RBMS3: variants seen among roughly 807,000 people sequenced by gnomAD.
RBMS3 encodes RNA binding motif single stranded interacting protein 3.
Under a neutral mutation model 66.8 loss-of-function variants are expected in RBMS3, and 27 were observed. That is an observed-to-expected ratio of 0.40 (90% CI 0.30 to 0.56). RBMS3 has a LOEUF of 0.56. Among genes scored for constraint, RBMS3 ranks in the 20% least tolerant of loss-of-function variants. The probability of loss-of-function intolerance (pLI) is 0.40; values close to 1 mark genes in which losing one functional copy is unlikely to be tolerated. For missense variants in RBMS3, 513 were observed against 549.5 expected (o/e 0.93, Z 0.66); for synonymous variants, 188 against 183.0 (o/e 1.03, Z -0.22).
chr3:29,563,764 G>A (rs890312675), intron 3 of RBMS3, among the ~76,000 whole-genome samples: 1 of 152,020 alleles, frequency 6.6e-6, no homozygotes, highest in Non-Finnish European at 1.5e-5. Flanking sequence ...GTGACTCATG[G>A]CTATAATCCC....
intron 6 of RBMS3, among the ~76,000 whole-genome samples, chr3:29,808,000 A>G (rs926854638): frequency 9.9e-5 from 15 of 151,912 alleles, no homozygotes; most frequent in Non-Finnish European, 1.8e-4. Context: ...TTTGAGTCAA[A>G]GCTGTGGTAA....
At chr3:29,445,013 G>A (rs528826287) in intron 2 of RBMS3, among the ~76,000 whole-genome samples, 14 of 150,848 alleles carry the variant, frequency 9.3e-5, no homozygotes, top group South Asian at 4.2e-4. Context: ...ATCCTTAACC[G>A]AAAACTTTTG....
At chr3:29,590,675 A>G (rs1384999559) in intron 4 of RBMS3, among the ~76,000 whole-genome samples, 1 of 152,092 alleles carries the variant, frequency 6.6e-6, no homozygotes, top group South Asian at 2.1e-4. Context: ...ACTTCAGGAT[A>G]TAGAGAAAAA....
intron 3 of RBMS3, among the ~76,000 whole-genome samples, chr3:29,565,580 A>G (rs902947199): frequency 6.6e-6 from 1 of 152,176 alleles, no homozygotes; most frequent in Non-Finnish European, 1.5e-5. Context: ...CTAGGCAAGC[A>G]ACCAGGAGGT....
At chr3:29,603,955 T>C (rs896743598) in intron 4 of RBMS3, among the ~76,000 whole-genome samples, 1 of 151,940 alleles carries the variant, frequency 6.6e-6, no homozygotes, top group Non-Finnish European at 1.5e-5. Context: ...GCAACATCTA[T>C]AAACATTTAT....
chr3:29,849,056 A>G (rs892191345), intron 6 of RBMS3, among the ~76,000 whole-genome samples: 2 of 152,030 alleles, frequency 1.3e-5, no homozygotes, highest in African/African-American at 4.8e-5. Context: ...TTTTTCTTTA[A>G]TACTACTAAA....
intron 4 of RBMS3, chr3:29,642,632 T>A (rs1408761496): frequency 6.6e-6 from 1 of 152,100 alleles, no homozygotes; most frequent in Non-Finnish European, 1.5e-5. Flanking sequence ...CTGTGGGAAC[T>A]TGGTAAGAAC....
intron 4 of RBMS3, among the ~76,000 whole-genome samples, chr3:29,699,328 T>C (rs2052435666): frequency 6.6e-6 from 1 of 152,200 alleles, no homozygotes; most frequent in South Asian, 2.1e-4. Flanking sequence ...TTTTGTATTT[T>C]AAAGTAGAGT....
chr3:29,880,523 T>C (rs1169381523), intron 7 of RBMS3, among the ~76,000 whole-genome samples: 1 of 152,158 alleles, frequency 6.6e-6, no homozygotes, highest in Non-Finnish European at 1.5e-5. Flanking sequence ...TCAATTTCCT[T>C]TTTTCCTTTG....
intron 10 of RBMS3, among the ~76,000 whole-genome samples, chr3:29,921,516 G>GGGGGGGGTTTGGGGA (rs2060780316): frequency 7.2e-6 from 1 of 139,158 alleles, no homozygotes; most frequent in Non-Finnish European, 1.5e-5. Context: ...GGGGCTGGGG[G>GGGGGGGGTTTGGGGA]TGCAGCAAAA....
At chr3:29,282,673 A>T (rs1250237318) in intron 1 of RBMS3, among the ~76,000 whole-genome samples, 2 of 152,086 alleles carry the variant, frequency 1.3e-5, no homozygotes, top group Admixed American at 6.5e-5. Flanking sequence ...GACCACCTCG[A>T]GTGTACGGGT....
chr3:29,393,132 T>A (rs1338821509), intron 1 of RBMS3, among the ~76,000 whole-genome samples: 1 of 152,138 alleles, frequency 6.6e-6, no homozygotes, highest in Non-Finnish European at 1.5e-5. Context: ...ACATAACCTT[T>A]TCTATGACTT....
chr3:29,685,108 G>T (rs942762303), intron 4 of RBMS3, among the ~76,000 whole-genome samples: 5 of 152,252 alleles, frequency 3.3e-5, no homozygotes, highest in Admixed American at 3.3e-4. Context: ...ACCCAGGCGG[G>T]AGTGCAGTGG....
At chr3:29,781,388 A>AT (rs765713702) in intron 6 of RBMS3, among the ~76,000 whole-genome samples, 2 of 151,982 alleles carry the variant, frequency 1.3e-5, no homozygotes, top group Non-Finnish European at 1.5e-5. Flanking sequence ...AGTTTGTTCC[A>AT]TTTTATTGCT....
intron 4 of RBMS3, among the ~76,000 whole-genome samples, chr3:29,658,153 T>C (rs4533603): frequency 0.21 from 32,641 of 152,070 alleles, 3,769 homozygotes; most frequent in East Asian, 0.35. Flanking sequence ...ATAGGACCCG[T>C]GATGTCTTAG....
chr3:29,487,703 TAAAG>T (rs1340475448), intron 2 of RBMS3, among the ~76,000 whole-genome samples: 1 of 152,170 alleles, frequency 6.6e-6, no homozygotes, highest in Non-Finnish European at 1.5e-5. Flanking sequence ...AAAAAGCCTA[TAAAG>T]AAGACAATAT....
intron 4 of RBMS3, among the ~76,000 whole-genome samples, chr3:29,620,007 T>C (rs74568280): frequency 4.4e-4 from 67 of 152,156 alleles, no homozygotes; most frequent in Non-Finnish European, 8.5e-4. Context: ...TCTTAGAGAA[T>C]AAAAATCGGG....
At chr3:29,926,554 C>T (rs900266802) in intron 10 of RBMS3, among the ~76,000 whole-genome samples, 2 of 152,096 alleles carry the variant, frequency 1.3e-5, no homozygotes, top group African/African-American at 4.8e-5. Flanking sequence ...GCCCATTTGC[C>T]AATAGGATCT....
Position 29,799,649 on chromosome 3 carries a change from G to T in RBMS3, c.637+36660G>T, listed in dbSNP as rs534163199. Among the ~76,000 whole-genome samples, 12 of 152,186 alleles carry T rather than the reference G, an allele frequency of 7.9e-5. No homozygotes were observed. The East Asian group carries it at 2.3e-3, about 29-fold the overall frequency. On this transcript the variant is annotated intron_variant, in intron 6 of 14. Coordinates refer to ENST00000383767, the MANE Select transcript of RBMS3 (RefSeq NM_001003793.3). ...AGATAGGTACATCTGTTGCTTTCCT[G>T]CTGTATCCCTGAATAATTCATTTTA...
Sources: gnomAD v4.1 joint callset for allele counts (sites outside exome capture counted in the v4.1 genomes callset) on GRCh38, gnomAD v4.1.1 for gene constraint, MANE v1.5 for transcripts, NCBI Gene and HGNC (gene_info 2026-07-23, HGNC 2026-07-21) for gene names.